Variants in CHL1 observed in about 807,000 individuals in gnomAD.
CHL1 encodes the protein neural cell adhesion molecule L1-like protein.
In CHL1, 96 loss-of-function variants were observed where a neutral mutation model predicts 141.9. The observed-to-expected ratio is 0.68, with a 90% CI of 0.57 to 0.80. The LOEUF (loss-of-function observed/expected upper bound fraction) is 0.80. CHL1 is among the 30% of genes least tolerant of loss of function. The pLI is 0.00. For missense variants in CHL1, 1,820 were observed against 1,457.2 expected (o/e 1.25, Z -4.05); for synonymous variants, 613 against 502.2 (o/e 1.22, Z -2.95).
At chr3:258,247 A>C (rs762460889) in intron 2 of CHL1, among the ~76,000 whole-genome samples, 4 of 152,222 alleles carry the variant, frequency 2.6e-5, no homozygotes, top group Admixed American at 1.3e-4. Context: ...TGGGGAAATC[A>C]ATCATATTAT....
intron 26 of CHL1, among the ~76,000 whole-genome samples, chr3:401,094 G>A (rs1289686152): frequency 6.6e-6 from 1 of 151,950 alleles, no homozygotes; most frequent in Admixed American, 6.6e-5. Context: ...TAGAGACAGG[G>A]TCTTGCTTTG....
Position 396,370 on chromosome 3 carries a change from G to A in CHL1, c.3094+1498G>A, listed in dbSNP as rs372332397. ...AAAACAGAATTTAAGGCATGGAGTT[G>A]GTTGCTATTTTGATATAACCAAGAC... is the stretch of plus-strand genomic sequence containing the variant. On this transcript the variant is annotated intron_variant, in intron 24 of 27. Coordinates refer to ENST00000256509, the MANE Select transcript of CHL1 (RefSeq NM_006614.4). Among the ~76,000 whole-genome samples the A allele has an allele frequency of 3.5e-4, 53 of 152,224 alleles. No homozygotes were observed. In the East Asian group the frequency reaches 4.2e-3, roughly 12 times the overall value.
rs531138237 is a variant in CHL1 at position 372,916 on chromosome 3, C to T, written c.1752-4902C>T. ...CACTTCAGTCCCTATTCATCTGGTTCACGCCTATGCCTGGAGATGTCACTC... is the reference window on the plus strand; with the variant it reads ...CACTTCAGTCCCTATTCATCTGGTTTACGCCTATGCCTGGAGATGTCACTC... On this transcript the variant is annotated intron_variant, in intron 15 of 27. Transcript: ENST00000256509. 1.1e-4 allele frequency among the ~76,000 whole-genome samples: 16 copies of T among 151,960 alleles called. No homozygotes were observed. The East Asian group carries it at 3.1e-3, about 29-fold the overall frequency.
At chr3:399,304 A>C (rs966723742) in intron 26 of CHL1, among the ~76,000 whole-genome samples, 156 bp downstream of exon 26, 4 of 152,224 alleles carry the variant, frequency 2.6e-5, no homozygotes, top group African/African-American at 9.6e-5. Context: ...GTATTGCTAA[A>C]TTAACCAAAG....
intron 1 of CHL1, among the ~76,000 whole-genome samples, chr3:241,862 A>C (rs982535681): frequency 3.5e-4 from 39 of 112,530 alleles, no homozygotes; most frequent in African/African-American, 1.0e-3. Context: ...CTTTTCACTA[A>C]TAACAGAGAA....
chr3:209,414 C>G (rs73016741), intron 1 of CHL1, among the ~76,000 whole-genome samples: 14,050 of 152,134 alleles, frequency 0.092, 714 homozygotes, highest in African/African-American at 0.13. Flanking sequence ...GATCTTGAGT[C>G]ATTAAGAAAT....
intron 3 of CHL1, among the ~76,000 whole-genome samples, chr3:324,202 G>T (rs1396496628): frequency 1.3e-5 from 2 of 152,156 alleles, no homozygotes; most frequent in East Asian, 1.9e-4. Context: ...AACAGAGAGT[G>T]GTTCAGGGCC....
intron 4 of CHL1, among the ~76,000 whole-genome samples, chr3:327,720 T>C (rs988212678): frequency 6.6e-6 from 1 of 151,956 alleles, no homozygotes; most frequent in Non-Finnish European, 1.5e-5. Context: ...ATATTCAGTG[T>C]GGTCTCAAAT....
At chr3:271,545 C>T (rs1458956275) in intron 2 of CHL1, among the ~76,000 whole-genome samples, 1 of 152,124 alleles carries the variant, frequency 6.6e-6, no homozygotes, top group Admixed American at 6.5e-5. Flanking sequence ...GAGAATTTCT[C>T]GCAAGATATA....
intron 15 of CHL1, chr3:376,377 G>A (rs746374185): frequency 1.5e-5 from 8 of 516,854 alleles, no homozygotes; most frequent in South Asian, 9.9e-5. Flanking sequence ...CAAATGTACT[G>A]ATTTGGAACC....
At chr3:208,949 T>C (rs1014638556) in intron 1 of CHL1, among the ~76,000 whole-genome samples, 4 of 152,218 alleles carry the variant, frequency 2.6e-5, no homozygotes, top group African/African-American at 9.6e-5. Flanking sequence ...TTCTCACGTA[T>C]TGCCAAAACA....
intron 2 of CHL1, among the ~76,000 whole-genome samples, chr3:304,003 T>C (rs1261523801): frequency 1.3e-5 from 2 of 152,158 alleles, no homozygotes; most frequent in East Asian, 1.9e-4. Context: ...TTGTCATTGG[T>C]TCTGTTTGTG....
At chr3:226,238 T>A (rs1701332421) in intron 1 of CHL1, among the ~76,000 whole-genome samples, 1 of 150,174 alleles carries the variant, frequency 6.7e-6, no homozygotes, top group Admixed American at 6.6e-5. Flanking sequence ...GCCACGCTAA[T>A]GTTGAGCTCC....
rs1355630494 is a variant in CHL1, at chr3:360,435, C to A, written c.1306+11C>A. On this transcript the variant is annotated intron_variant, in intron 12 of 27. Coordinates refer to ENST00000256509, the MANE Select transcript of CHL1 (RefSeq NM_006614.4). ...ATATTGATGTTGTGGGTGAGTGTGC[C>A]TGGGAGCTGACTTAACATGCTATTT... is the stretch of plus-strand genomic sequence containing the variant. The A allele has an allele frequency of 1.2e-6, 2 of 1,612,480 alleles. No homozygotes were observed. The highest frequency in any genetic ancestry group is 1.7e-5 in the Admixed American group (1 of 59,840).
Position 364,177 on chromosome 3 carries a change from T to C in CHL1, c.1585+794T>C, listed in dbSNP as rs58889423. Among the ~76,000 whole-genome samples, 1,175 of 152,300 alleles carry C rather than the reference T, an allele frequency of 7.7e-3. 12 individuals are homozygous for C. The highest frequency in any genetic ancestry group is 0.027 in the African/African-American group (1,121 of 41,562). Reference sequence around the variant, plus strand: ...TCCTTCTTTTTTCATCCTGTTTTCCTTTTCTTTTGCTGTACATCCTTTTCT... The same window carrying C: ...TCCTTCTTTTTTCATCCTGTTTTCCCTTTCTTTTGCTGTACATCCTTTTCT... On this transcript the variant is annotated intron_variant, in intron 14 of 27. Transcript: ENST00000256509.
At chr3:226,447 TA>T (rs1701360345) in intron 1 of CHL1, among the ~76,000 whole-genome samples, 2 of 148,586 alleles carry the variant, frequency 1.3e-5, no homozygotes, top group South Asian at 2.1e-4. Context: ...TTATTATTAT[TA>T]TTATTTTTTC....
At chr3:370,879 GC>G (rs1234636817) in intron 15 of CHL1, among the ~76,000 whole-genome samples, 1 of 152,144 alleles carries the variant, frequency 6.6e-6, no homozygotes, top group Non-Finnish European at 1.5e-5. Flanking sequence ...TCATTCAGGA[GC>G]AAGTTTATCA....
intron 2 of CHL1, among the ~76,000 whole-genome samples, chr3:250,068 A>G (rs1436446055): frequency 2.0e-5 from 3 of 151,962 alleles, no homozygotes; most frequent in Non-Finnish European, 2.9e-5. Flanking sequence ...CCAGGCTCAA[A>G]TGATTCTCTT....
At chr3:305,955 T>TCAA (rs1699191693) in intron 2 of CHL1, among the ~76,000 whole-genome samples, 1 of 152,158 alleles carries the variant, frequency 6.6e-6, no homozygotes, top group Non-Finnish European at 1.5e-5. Flanking sequence ...CACATAAGAC[T>TCAA]ATTAAACATG....
Sources: allele counts gnomAD v4.1 joint callset (sites outside exome capture counted in the v4.1 genomes callset), GRCh38; gene constraint gnomAD v4.1.1; transcripts MANE v1.5; gene names NCBI Gene and HGNC (gene_info 2026-07-23, HGNC 2026-07-21).